The following IFITM10 variants were observed in gnomAD, a reference collection of about 807,000 sequenced individuals.
IFITM10 encodes the protein interferon-induced transmembrane protein 10.
IFITM10 carries 17 observed loss-of-function variants against 19.0 expected under a neutral mutation model. That is an observed-to-expected ratio of 0.90 (90% confidence interval 0.61 to 1.34). IFITM10 has a LOEUF of 1.34. Among genes scored for constraint, IFITM10 ranks in the 40% most tolerant of loss-of-function variants. IFITM10 has a pLI of 0.00. For missense variants in IFITM10, 306 were observed against 319.8 expected (o/e 0.96, Z 0.33); for synonymous variants, 148 against 147.2 (o/e 1.01, Z -0.04).
At position 1,750,499 on chromosome 11, in the gene IFITM10, G is replaced by T. The variant is rs1845705287; in HGVS notation, c.-57C>A. 2.6e-6 allele frequency: 4 copies of T among 1,547,062 alleles called. No individual in the cohort carries two copies. Among genetic ancestry groups the T allele is most frequent in the Non-Finnish European group, 3.5e-6 (4 of 1,144,754 alleles). The stretch of plus-strand genomic sequence containing the variant: ...CCTTTCTCCTCTGCCACTCTCAACT[G>T]GCCTCCTGTGTCTCCGCAACCCTCT... On this transcript the variant is annotated 5_prime_UTR_variant, in exon 1 of 3. Transcript: ENST00000340134.
chr11:1,743,000 T>C (rs1436950710), intron 2 of IFITM10, among the ~76,000 whole-genome samples: 1 of 121,612 alleles, frequency 8.2e-6, no homozygotes, highest in Non-Finnish European at 1.7e-5. Flanking sequence ...TATGGATGGA[T>C]GAAAGATAAA....
chr11:1,735,041 G>A lies in IFITM10; in HGVS notation c.*239C>T, dbSNP rs938333519. The A allele has an allele frequency of 5.6e-6, 3 of 533,974 alleles. No homozygotes were observed. The highest frequency in any genetic ancestry group is 9.9e-6 in the Non-Finnish European group (3 of 302,560). The allele number at this position is 533,974 out of a possible 1,614,324, so 33.1% of individuals were successfully genotyped here. A position where few individuals can be genotyped will look rare whatever the true frequency, so the allele number is the denominator to read the frequency against. On this transcript the variant is annotated 3_prime_UTR_variant, in exon 3 of 3. Coordinates refer to ENST00000340134, the MANE Select transcript of IFITM10 (RefSeq NM_001170820.4). Reference sequence around the variant, plus strand: ...GCAGCAGCGAGGGGAGAAGCCCCCAGGCCCCAGACACAGGCAGGGTGGAGG... The same window carrying A: ...GCAGCAGCGAGGGGAGAAGCCCCCAAGCCCCAGACACAGGCAGGGTGGAGG...
rs141189378 is a variant in IFITM10 at position 1,733,166 on chromosome 11, T to G, written c.*2114A>C. Reference sequence around the variant, plus strand: ...GTGCCCACAACCAGGCTGCCCACAGTCTCGGCAAGGCTTTCAGCCGCCCCT... The same window carrying G: ...GTGCCCACAACCAGGCTGCCCACAGGCTCGGCAAGGCTTTCAGCCGCCCCT... On this transcript the variant is annotated 3_prime_UTR_variant, in exon 3 of 3. Transcript: ENST00000340134. The surrounding 1 kb of genome is among the most constrained non-coding windows in gnomAD (Gnocchi z 6.3). 0.011 allele frequency: 1,666 copies of G among 152,414 alleles called. 15 individuals carry two copies. Among genetic ancestry groups the G allele is most frequent in the Non-Finnish European group, 0.016 (1,108 of 68,184 alleles). The allele number at this position is 152,414 out of a possible 1,614,324, so 9.4% of individuals were successfully genotyped here.
rs758539913 is a variant in IFITM10, at chr11:1,747,806, GTCT to G, written c.395_397del (p.Lys132del). 1.2e-4 allele frequency: 180 copies of G among 1,550,590 alleles called. No individual in the cohort carries two copies. The highest frequency in any genetic ancestry group is 1.5e-4 in the Non-Finnish European group (173 of 1,146,258). The stretch of plus-strand genomic sequence containing the variant: ...GATGACGGTCGTGGGGTTGGTCATC[GTCT>G]TCTTCTCGGCTAGGTGCTTGCAGGC... On this transcript the variant is annotated inframe_deletion, in exon 2 of 3. Transcript: ENST00000340134.
chr11:1,750,259 A>C (rs1845701870), intron 1 of IFITM10, 100 bp downstream of exon 1: 2 of 1,542,150 alleles, frequency 1.3e-6, no homozygotes, highest in African/African-American at 1.4e-5. Flanking sequence ...AACAGTCCCC[A>C]TGAGTTCCTC....
chr11:1,747,588 G>A (rs1055919060), intron 2 of IFITM10, 79 bp downstream of exon 2: 42 of 1,288,266 alleles, frequency 3.3e-5, no homozygotes, highest in African/African-American at 3.1e-4. Context: ...GAGAGGGGCC[G>A]AGCGCCCACA....
At chr11:1,748,263 C>A (rs371558298) in intron 1 of IFITM10, 144 bp from the exon 2 acceptor site, 2 of 608,418 alleles carry the variant, frequency 3.3e-6, no homozygotes, top group Admixed American at 4.1e-5. Context: ...CTGCCTCCCC[C>A]ACCCGCCCCG....
In IFITM10 at chr11:1,738,714, T is replaced by C. The variant is rs572066768; in HGVS notation, c.538-3285A>G. On this transcript the variant is annotated intron_variant, in intron 2 of 2. Coordinates refer to ENST00000340134, the MANE Select transcript of IFITM10 (RefSeq NM_001170820.4). ...ATGAGACAGAGCCAACTTCTGGACA[T>C]GTGTTGAAGGTGGAGCTGACAGTGT... is the stretch of plus-strand genomic sequence containing the variant. Among the ~76,000 whole-genome samples, 98 of 152,142 alleles carry C rather than the reference T, an allele frequency of 6.4e-4. No individual in the cohort carries two copies. In the Middle Eastern group the frequency reaches 0.01, roughly 16 times the overall value.
At chr11:1,746,612 C>T in intron 2 of IFITM10, 1 of 398,654 alleles carries the variant, frequency 2.5e-6, no homozygotes, top group Non-Finnish European at 4.4e-6. Flanking sequence ...ACGCCGACCG[C>T]AGTTGCGATG....
chr11:1,735,153 A>T lies in IFITM10; in HGVS notation c.*127T>A. The T allele has an allele frequency of 9.9e-7, 1 of 1,007,148 alleles. No individual in the cohort carries two copies. The highest frequency in any genetic ancestry group is 1.4e-6 in the Non-Finnish European group (1 of 697,024). The allele number at this position is 1,007,148 out of a possible 1,614,324, so 62.4% of individuals were successfully genotyped here. On this transcript the variant is annotated 3_prime_UTR_variant, in exon 3 of 3. Coordinates refer to ENST00000340134, the MANE Select transcript of IFITM10 (RefSeq NM_001170820.4). The stretch of plus-strand genomic sequence containing the variant: ...CTGATGGCCTTGCTGCCCAGTTCAC[A>T]GCTCAAGGGGGCCCCAGGACAAGAA...
At position 1,748,280 on chromosome 11, in the gene IFITM10, G is replaced by C. The variant is rs550330506; in HGVS notation, c.85-161C>G. 1.6e-5 allele frequency: 8 copies of C among 505,586 alleles called. No individual in the cohort carries two copies. The East Asian group carries it at 2.8e-4, about 18-fold the overall frequency. 31.3% of individuals were successfully genotyped at this position (505,586 alleles called of 1,614,324 possible). A position where few individuals can be genotyped will look rare whatever the true frequency, so the allele number is the denominator to read the frequency against. On this transcript the variant is annotated intron_variant, in intron 1 of 2. Transcript: ENST00000340134. ...GCCTCCCCCACCCGCCCCGGGCCTC[G>C]GCGGCCACGGACGATGCCAAAGCCC...
intron 1 of IFITM10, among the ~76,000 whole-genome samples, chr11:1,750,047 T>C (rs1565016480): frequency 6.6e-6 from 1 of 152,138 alleles, no homozygotes; most frequent in South Asian, 2.1e-4. Flanking sequence ...CTTGTCTCCC[T>C]GGAGGCTGGT....
intron 2 of IFITM10, among the ~76,000 whole-genome samples, chr11:1,741,171 T>C (rs945506535): frequency 6.6e-6 from 1 of 151,710 alleles, no homozygotes; most frequent in African/African-American, 2.4e-5. Flanking sequence ...ACTAAAACCA[T>C]GGGACTGGAT....
intron 2 of IFITM10, among the ~76,000 whole-genome samples, chr11:1,735,925 T>C (rs1851082552): frequency 6.6e-6 from 1 of 152,074 alleles, no homozygotes; most frequent in Non-Finnish European, 1.5e-5. Flanking sequence ...GCGTTGTGCA[T>C]TGGCAGGAGA....
Position 1,748,011 on chromosome 11 carries a change from G to A in IFITM10, c.193C>T (p.Pro65Ser), listed in dbSNP as rs2133650980. ...PLDGAFWIPR[P>S]PAGSPKGCFA... is the part of the protein sequence containing the mutation. The stretch of plus-strand genomic sequence containing the variant: ...CAGCCCTTGGGCGAACCTGCCGGGG[G>A]CCTCGGAATCCAGAAGGCCCCGTCC... Residue 65 changes from proline (P) to serine (S), a missense_variant, in exon 2 of 3, where the codon CCC becomes TCC. Pro to Ser is a moderately conservative substitution (Grantham distance 74, BLOSUM62 -1). Coordinates refer to ENST00000340134, the MANE Select transcript of IFITM10 (RefSeq NM_001170820.4). 2 of 1,437,100 alleles carry A rather than the reference G, an allele frequency of 1.4e-6. No individual in the cohort carries two copies. Among genetic ancestry groups the A allele is most frequent in the South Asian group, 1.5e-5 (1 of 68,154 alleles). 89.0% of individuals were successfully genotyped at this position (1,437,100 alleles called of 1,614,324 possible).
chr11:1,750,568 G>T lies in IFITM10; in HGVS notation c.-126C>A. On this transcript the variant is annotated 5_prime_UTR_variant, in exon 1 of 3. Transcript: ENST00000340134. ...GTCCTGCTTGGGGTCCTGTCTGCCTGCCTGTGCCTGACTCTGAACCCTTTC... is the reference window on the plus strand; with the variant it reads ...GTCCTGCTTGGGGTCCTGTCTGCCTTCCTGTGCCTGACTCTGAACCCTTTC... 2 of 1,222,362 alleles carry T rather than the reference G, an allele frequency of 1.6e-6. No homozygotes were observed. The highest frequency in any genetic ancestry group is 1.1e-6 in the Non-Finnish European group (1 of 873,860). 75.7% of individuals were successfully genotyped at this position (1,222,362 alleles called of 1,614,324 possible).
At chr11:1,740,403 A>C (rs116146804) in intron 2 of IFITM10, among the ~76,000 whole-genome samples, 1,819 of 151,728 alleles carry the variant, frequency 0.012, 36 homozygotes, top group African/African-American at 0.041. Context: ...CCAGGGCAGC[A>C]GTGGTGAAGG....
chr11:1,735,043 C>A lies in IFITM10; in HGVS notation c.*237G>T. On this transcript the variant is annotated 3_prime_UTR_variant, in exon 3 of 3. Coordinates refer to ENST00000340134, the MANE Select transcript of IFITM10 (RefSeq NM_001170820.4). Reference sequence around the variant, plus strand: ...AGCAGCGAGGGGAGAAGCCCCCAGGCCCCAGACACAGGCAGGGTGGAGGCC... The same window carrying A: ...AGCAGCGAGGGGAGAAGCCCCCAGGACCCAGACACAGGCAGGGTGGAGGCC... 3 of 538,648 alleles carry A rather than the reference C, an allele frequency of 5.6e-6. No individual in the cohort carries two copies. The highest frequency in any genetic ancestry group is 3.3e-5 in the Admixed American group (1 of 29,934). The allele number at this position is 538,648 out of a possible 1,614,324, so 33.4% of individuals were successfully genotyped here.
intron 1 of IFITM10, among the ~76,000 whole-genome samples, chr11:1,750,103 T>G (rs1423732143): frequency 2.6e-5 from 4 of 152,090 alleles, no homozygotes; most frequent in African/African-American, 9.7e-5. Flanking sequence ...CCAGCCCTTC[T>G]GAGCCTGGTC....
Sources: allele counts gnomAD v4.1 joint callset (sites outside exome capture counted in the v4.1 genomes callset), GRCh38; gene constraint gnomAD v4.1.1; non-coding constraint Gnocchi (gnomAD v3.1); transcripts MANE v1.5; gene names NCBI Gene and HGNC (gene_info 2026-07-23, HGNC 2026-07-21).